The following SOD2 variants were observed in gnomAD, a reference collection of about 807,000 sequenced individuals.
SOD2 encodes superoxide dismutase [Mn], mitochondrial.
Under a neutral mutation model 27.0 loss-of-function variants are expected in SOD2, and 11 were observed. The ratio of observed to expected loss-of-function variants is 0.41; its 90% CI spans 0.26 to 0.67. SOD2 has a LOEUF of 0.67. Among genes scored for constraint, SOD2 ranks in the 30% least tolerant of loss-of-function variants. The probability of loss-of-function intolerance (pLI) is 0.34; values close to 1 mark genes in which losing one functional copy is unlikely to be tolerated. For missense variants in SOD2, 250 were observed against 274.5 expected (o/e 0.91, Z 0.63); for synonymous variants, 105 against 103.0 (o/e 1.02, Z -0.12).
chr6:159,761,957 G>A (rs924736686), exon 1 of SOD2: 2 of 1,053,218 alleles, frequency 1.9e-6, no homozygotes, highest in African/African-American at 3.7e-5. Flanking sequence ...GCGGGGAGGT[G>A]GTGCGCGGGG....
In SOD2 at chr6:159,674,354, A is replaced by G. The variant is rs1779730888; in HGVS notation, c.*8139T>C. 6.6e-6 allele frequency: 1 copy of G among 152,266 alleles called. No individual in the cohort carries two copies. Among genetic ancestry groups the G allele is most frequent in the South Asian group, 2.1e-4 (1 of 4,834 alleles). The allele number at this position is 152,266 out of a possible 1,614,324, so 9.4% of individuals were successfully genotyped here. ...TCAATGCAAAAATCCTCAATAAAAT[A>G]CTGGCAAACTGAATCCAGCAGCATA... On this transcript the variant is annotated 3_prime_UTR_variant, in exon 5 of 5. Transcript: ENST00000538183.
chr6:159,759,487 T>C (rs1780079574), intron 1 of SOD2, among the ~76,000 whole-genome samples: 1 of 151,528 alleles, frequency 6.6e-6, no homozygotes, highest in African/African-American at 2.4e-5. Context: ...CTGACTAACA[T>C]GGTGAAACCC....
At chr6:159,692,523 T>G in intron 2 of SOD2, 138 bp downstream of exon 2, 6 of 1,478,592 alleles carry the variant, frequency 4.1e-6, no homozygotes, top group Non-Finnish European at 5.4e-6. Flanking sequence ...AAAGAGAGAC[T>G]ATCGTGCCTG....
In SOD2 at chr6:159,671,258, C is replaced by A. The variant is rs1287282428; in HGVS notation, c.*11235G>T. 1 of 152,356 alleles carries A rather than the reference C, an allele frequency of 6.6e-6. No homozygotes were observed. The highest frequency in any genetic ancestry group is 1.9e-4 in the East Asian group (1 of 5,204). The allele number at this position is 152,356 out of a possible 1,614,324, so 9.4% of individuals were successfully genotyped here. On this transcript the variant is annotated 3_prime_UTR_variant, in exon 5 of 5. Transcript: ENST00000538183. ...TTGAAGAGACCAGTGGTTCTCCCAGCACAGAGTTTGAGATCTGAGAACGGA... is the reference window on the plus strand; with the variant it reads ...TTGAAGAGACCAGTGGTTCTCCCAGAACAGAGTTTGAGATCTGAGAACGGA...
rs775355575 is a variant in SOD2 at position 159,684,912 on chromosome 6, T to C, written c.465A>G (p.Glu155=). 1.2e-6 allele frequency: 2 copies of C among 1,613,680 alleles called. No homozygotes were observed. The highest frequency in any genetic ancestry group is 1.7e-6 in the Non-Finnish European group (2 of 1,179,770). The change falls in exon 4 of 5, where the codon GAA becomes GAG. Residue 155 remains glutamate (E), a synonymous_variant. Coordinates refer to ENST00000538183, the MANE Select transcript of SOD2 (RefSeq NM_000636.4). The part of the protein sequence containing the change: ...SGWGWLGFNK[E]RGHLQIAACP... ...AAGCAGCAATTTGTAAGTGTCCCCG[T>C]TCCTTATTGAAACCAAGCCAACCCC...
chr6:159,700,483 T>C (rs1409186440), intron 1 of SOD2, among the ~76,000 whole-genome samples: 8 of 151,886 alleles, frequency 5.3e-5, no homozygotes, highest in Non-Finnish European at 1.0e-4. Context: ...CAAAACCCCA[T>C]CTCCACTAAA....
At position 159,751,187 on chromosome 6, in the gene SOD2, A is replaced by G. The variant is rs1040074423; in HGVS notation, c.-335-2511T>C. The stretch of plus-strand genomic sequence containing the variant: ...CAAAACTGTGATTTTGTTAAAATTT[A>G]TTTTACTAATCACTAGTTTTAAACG... On this transcript the variant is annotated intron_variant, in intron 1 of 7. Coordinates refer to the SOD2 transcript ENST00000546087. Among the ~76,000 whole-genome samples, 8 of 152,298 alleles carry G rather than the reference A, an allele frequency of 5.3e-5. No homozygotes were observed. The South Asian group carries it at 1.7e-3, about 32-fold the overall frequency.
intron 2 of SOD2, 77 bp downstream of exon 2, chr6:159,692,584 G>A (rs1023330667): frequency 7.5e-6 from 12 of 1,591,254 alleles, no homozygotes; most frequent in Non-Finnish European, 9.4e-6. Flanking sequence ...CCACGGAGAG[G>A]CCCGTCCGTA....
intron 1 of SOD2, chr6:159,713,963 T>C: frequency 1.2e-6 from 1 of 828,124 alleles, no homozygotes; most frequent in Non-Finnish European, 1.9e-6. Flanking sequence ...CACGAACCCC[T>C]CCCTGCCTTC....
At position 159,702,911 on chromosome 6, in the gene SOD2, C is replaced by T. The variant is rs200675977; in HGVS notation, c.-115-10048G>A. On this transcript the variant is annotated intron_variant, in intron 1 of 2. Coordinates refer to the SOD2 transcript ENST00000401980. The stretch of plus-strand genomic sequence containing the variant: ...TGGTATTTGCCTATAGTCCCAGCTA[C>T]TCAGGAGGCTAAGGTAGGACTGCTT... Among the ~76,000 whole-genome samples the T allele has an allele frequency of 2.1e-4, 31 of 145,252 alleles. No homozygotes were observed. The East Asian group carries it at 5.5e-3, about 26-fold the overall frequency.
At chr6:159,732,264 A>G (rs563395176), upstream of SOD2, among the ~76,000 whole-genome samples, 223 of 152,350 alleles carry the variant, frequency 1.5e-3, no homozygotes, top group Non-Finnish European at 9.1e-4. Context: ...TATATTGAAC[A>G]GCATCCATGA....
At chr6:159,697,819 A>C (rs1189328532), upstream of SOD2, among the ~76,000 whole-genome samples, 1 of 152,232 alleles carries the variant, frequency 6.6e-6, no homozygotes, top group Non-Finnish European at 1.5e-5. Flanking sequence ...ATGCAGTGTC[A>C]GGGGTGCTGG....
rs1164994916 is a variant in SOD2 at position 159,670,970 on chromosome 6, G to A, written c.*11523C>T. Reference sequence around the variant, plus strand: ...CTGTGCCTAGCTCGGAGGGTCCCACGCCCATGGAGCCTTGCTCATTGCTAG... The same window carrying A: ...CTGTGCCTAGCTCGGAGGGTCCCACACCCATGGAGCCTTGCTCATTGCTAG... On this transcript the variant is annotated 3_prime_UTR_variant, in exon 5 of 5. Transcript: ENST00000538183. 3.3e-5 allele frequency: 5 copies of A among 152,378 alleles called. No individual in the cohort carries two copies. The highest frequency in any genetic ancestry group is 5.9e-5 in the Non-Finnish European group (4 of 68,182). 9.4% of individuals were successfully genotyped at this position (152,378 alleles called of 1,614,324 possible).
chr6:159,756,615 T>TTTTTTA (rs1554266233), intron 1 of SOD2, among the ~76,000 whole-genome samples: 6 of 133,566 alleles, frequency 4.5e-5, no homozygotes, highest in Admixed American at 7.5e-5. Flanking sequence ...TTTTTTTTTT[T>TTTTTTA]AATTGAGACA....
At position 159,727,113 on chromosome 6, in the gene SOD2, C is replaced by T. The variant is rs1778214785; in HGVS notation, c.-116+16G>A. The T allele has an allele frequency of 1.1e-5, 13 of 1,193,728 alleles. No individual in the cohort carries two copies. The South Asian group carries it at 1.8e-4, about 17-fold the overall frequency. 73.9% of individuals were successfully genotyped at this position (1,193,728 alleles called of 1,614,324 possible). ...GACCTCGCTGGCCCGCCCCTCCCCTCGGCCGCTTCCCTTACTGAGCTTGCT... is the reference window on the plus strand; with the variant it reads ...GACCTCGCTGGCCCGCCCCTCCCCTTGGCCGCTTCCCTTACTGAGCTTGCT... On this transcript the variant is annotated intron_variant, in intron 1 of 2. Transcript: ENST00000401980.
Position 159,712,049 on chromosome 6 carries a change from A to G in SOD2, c.-116+15080T>C, listed in dbSNP as rs1396986791. Among the ~76,000 whole-genome samples, 11 of 22,220 alleles carry G rather than the reference A, an allele frequency of 5.0e-4. 3 individuals carry two copies. Among genetic ancestry groups the G allele is most frequent in the East Asian group, 2.4e-3 (3 of 1,228 alleles). The allele number at this position is 22,220 out of a possible 152,430, so 14.6% of individuals were successfully genotyped here. ...TCACACTGCTCAGACCTCCATAACC[A>G]CCTCCATAACCACCACTCGGCTGCT... On this transcript the variant is annotated intron_variant, in intron 1 of 2. Coordinates refer to the SOD2 transcript ENST00000401980.
At chr6:159,706,096 C>T (rs1219821183) in intron 1 of SOD2, among the ~76,000 whole-genome samples, 1 of 152,132 alleles carries the variant, frequency 6.6e-6, no homozygotes, top group African/African-American at 2.4e-5. Flanking sequence ...CAGGCCTGCC[C>T]TACAAGAGCT....
intron 1 of SOD2, among the ~76,000 whole-genome samples, chr6:159,740,481 A>G (rs1002569287): frequency 1.3e-5 from 2 of 152,058 alleles, no homozygotes; most frequent in Non-Finnish European, 2.9e-5. Context: ...TGTGATATAC[A>G]TGTTCTTGCT....
intron 1 of SOD2, chr6:159,743,922 G>A: frequency 9.7e-7 from 1 of 1,035,830 alleles, no homozygotes; most frequent in Non-Finnish European, 1.3e-6. Flanking sequence ...TATGCTTTGA[G>A]CTTTAAGAAT....
Sources: gnomAD v4.1 joint callset for allele counts (sites outside exome capture counted in the v4.1 genomes callset) on GRCh38, gnomAD v4.1.1 for gene constraint, MANE v1.5 for transcripts, NCBI Gene and HGNC (gene_info 2026-07-23, HGNC 2026-07-21) for gene names.